TBC1D5: variants seen among roughly 807,000 people sequenced by gnomAD.
The protein encoded by TBC1D5 is TBC1 domain family member 5.
TBC1D5 carries 75 observed loss-of-function variants against 100.3 expected under a neutral mutation model. That is an observed-to-expected ratio of 0.75 (90% CI 0.62 to 0.91). TBC1D5 has a LOEUF of 0.91. Ranked by LOEUF, TBC1D5 falls within the 40% of genes least tolerant of loss-of-function variation. TBC1D5 has a pLI of 0.00. For synonymous variants in TBC1D5, 323 were observed against 325.6 expected, an observed-to-expected ratio of 0.99 and a Z score of 0.09; for missense variants, 910 against 942.4, an observed-to-expected ratio of 0.97 and a Z score of 0.45.
intron 14 of TBC1D5, among the ~76,000 whole-genome samples, chr3:17,305,414 A>G (rs2083300377): frequency 6.6e-6 from 1 of 152,148 alleles, no homozygotes; most frequent in South Asian, 2.1e-4. Context: ...AGGACAAATA[A>G]TTACTATTCT....
At chr3:17,567,248 A>C (rs892554854) in intron 2 of TBC1D5, among the ~76,000 whole-genome samples, 7 of 151,814 alleles carry the variant, frequency 4.6e-5, no homozygotes, top group African/African-American at 1.7e-4. Context: ...AATAATTACC[A>C]AAATTAGTGA....
chr3:17,454,338 T>C (rs1576064149), intron 3 of TBC1D5, among the ~76,000 whole-genome samples: 3 of 152,158 alleles, frequency 2.0e-5, no homozygotes, highest in East Asian at 3.8e-4. Context: ...ATTATCCTTG[T>C]TTGCAAATGA....
intron 15 of TBC1D5, among the ~76,000 whole-genome samples, chr3:17,259,180 A>G (rs953300654): frequency 2.6e-5 from 4 of 152,196 alleles, no homozygotes; most frequent in Non-Finnish European, 5.9e-5. Context: ...TATTACCAGG[A>G]TAACCATTAC....
At chr3:17,488,650 T>C (rs1246927749) in intron 3 of TBC1D5, among the ~76,000 whole-genome samples, 2 of 152,228 alleles carry the variant, frequency 1.3e-5, no homozygotes, top group East Asian at 1.9e-4. Context: ...TATGTTGTCA[T>C]TGTTTAGGAT....
chr3:17,557,043 T>C (rs2096526733), intron 2 of TBC1D5, among the ~76,000 whole-genome samples: 1 of 151,824 alleles, frequency 6.6e-6, no homozygotes, highest in Admixed American at 6.6e-5. Flanking sequence ...CAACACAAAA[T>C]AAAAATAAAA....
At chr3:17,184,176 A>G (rs980383451) in intron 19 of TBC1D5, among the ~76,000 whole-genome samples, 1 of 152,192 alleles carries the variant, frequency 6.6e-6, no homozygotes, top group African/African-American at 2.4e-5. Context: ...GAGATATAGC[A>G]CCTTTACAAA....
At chr3:17,219,780 A>C (rs1460863956) in intron 17 of TBC1D5, among the ~76,000 whole-genome samples, 1 of 152,078 alleles carries the variant, frequency 6.6e-6, no homozygotes, top group Non-Finnish European at 1.5e-5. Flanking sequence ...AATATGCCAT[A>C]AAACTCGCTC....
intron 4 of TBC1D5, among the ~76,000 whole-genome samples, chr3:17,419,087 A>G (rs749273761): frequency 6.6e-6 from 1 of 152,206 alleles, no homozygotes; most frequent in Non-Finnish European, 1.5e-5. Context: ...TAGAAAGAAG[A>G]GCCCTCATGC....
chr3:17,484,658 A>C (rs1344066372), intron 3 of TBC1D5, among the ~76,000 whole-genome samples: 1 of 151,696 alleles, frequency 6.6e-6, no homozygotes, highest in Non-Finnish European at 1.5e-5. Context: ...AATTTTTTAA[A>C]TTTTTCATAG....
intron 9 of TBC1D5, among the ~76,000 whole-genome samples, chr3:17,382,209 T>C (rs80143366): frequency 0.016 from 2,416 of 152,196 alleles, 26 homozygotes; most frequent in Non-Finnish European, 0.027. Flanking sequence ...TTACTATTAT[T>C]ACCCTCATCT....
chr3:17,619,857 T>C (rs1403733261), intron 2 of TBC1D5, among the ~76,000 whole-genome samples: 1 of 152,188 alleles, frequency 6.6e-6, no homozygotes, highest in Non-Finnish European at 1.5e-5. Context: ...CTTCTAAAAC[T>C]GGGGGGAAAG....
intron 1 of TBC1D5, chr3:17,647,116 T>C (rs1005524951): frequency 3.9e-5 from 6 of 152,116 alleles, no homozygotes; most frequent in African/African-American, 7.2e-5. Context: ...CAGGCAAATA[T>C]TTTCAGGTTC....
intron 2 of TBC1D5, among the ~76,000 whole-genome samples, chr3:17,567,896 A>T (rs2096602951): frequency 6.6e-6 from 1 of 151,740 alleles, no homozygotes; most frequent in South Asian, 2.1e-4. Context: ...CAAGTATAAA[A>T]GACCAAAAGA....
intron 13 of TBC1D5, among the ~76,000 whole-genome samples, chr3:17,320,133 G>C (rs769518359): frequency 1.1e-4 from 16 of 152,098 alleles, no homozygotes; most frequent in Non-Finnish European, 2.1e-4. Flanking sequence ...ATATATCTTG[G>C]AAGCAAATTG....
intron 2 of TBC1D5, among the ~76,000 whole-genome samples, chr3:17,590,014 G>A (rs930228268): frequency 2.0e-5 from 3 of 152,184 alleles, no homozygotes; most frequent in African/African-American, 7.2e-5. Flanking sequence ...ATGGGGCACA[G>A]CAAGTGCAAA....
chr3:17,371,121 C>T (rs1413115924), intron 13 of TBC1D5, among the ~76,000 whole-genome samples: 1 of 151,756 alleles, frequency 6.6e-6, no homozygotes, highest in Non-Finnish European at 1.5e-5. Context: ...AAGGAGTGAG[C>T]ATCTCCCTGT....
At chr3:17,223,973 A>C (rs75563925) in intron 17 of TBC1D5, among the ~76,000 whole-genome samples, 181 of 152,284 alleles carry the variant, frequency 1.2e-3, no homozygotes, top group African/African-American at 4.2e-3. Context: ...TATATAATTA[A>C]ATTTAAATTT....
At chr3:17,214,161 G>A in intron 18 of TBC1D5, 46 bp downstream of exon 19, 1 of 1,580,930 alleles carries the variant, frequency 6.3e-7, no homozygotes, top group Middle Eastern at 1.7e-4. Flanking sequence ...CAGCACTCTA[G>A]AGAAGAAAAT....
chr3:17,413,543 T>C lies in TBC1D5; in HGVS notation c.168-7017A>G, dbSNP rs1362937257. On this transcript the variant is annotated intron_variant, in intron 4 of 21. Transcript: ENST00000253692. ...TTATATATTTTAACATATAATTAAATAGTAGTTTCCCAAGATATGCTCATA... is the reference window on the plus strand; with the variant it reads ...TTATATATTTTAACATATAATTAAACAGTAGTTTCCCAAGATATGCTCATA... Among the ~76,000 whole-genome samples the C allele has an allele frequency of 1.3e-5, 2 of 151,650 alleles. 1 individual carries two copies. The highest frequency in any genetic ancestry group is 2.9e-5 in the Non-Finnish European group (2 of 67,982).
Sources: allele counts gnomAD v4.1 joint callset (sites outside exome capture counted in the v4.1 genomes callset), GRCh38; gene constraint gnomAD v4.1.1; transcripts MANE v1.5; gene names NCBI Gene and HGNC (gene_info 2026-07-23, HGNC 2026-07-21).